Variants in ARIH2 observed in about 807,000 individuals in gnomAD.
ARIH2 encodes E3 ubiquitin-protein ligase ARIH2.
A neutral mutation model predicts 79.8 loss-of-function variants in ARIH2; 12 were observed. The observed-to-expected ratio is 0.15, with a 90% CI of 0.10 to 0.24. The LOEUF (loss-of-function observed/expected upper bound fraction) is 0.24, where lower values mean the gene tolerates loss of function less well. Ranked by LOEUF, ARIH2 falls within the 10% of genes least tolerant of loss-of-function variation. The probability of loss-of-function intolerance (pLI) is 1.00; values close to 1 mark genes in which losing one functional copy is unlikely to be tolerated. For missense variants in ARIH2, 301 were observed against 618.3 expected, an observed-to-expected ratio of 0.49 and a Z score of 5.44; for synonymous variants, 224 against 213.9, an observed-to-expected ratio of 1.05 and a Z score of -0.41.
chr3:48,970,468 A>G (rs1328859231), intron 7 of ARIH2, 127 bp from the exon 8 acceptor site: 2 of 656,736 alleles, frequency 3.0e-6, no homozygotes, highest in South Asian at 1.8e-5. Context: ...TCCTTTCTGA[A>G]TTTATATAGC....
chr3:48,961,941 G>A (rs1395506090), intron 4 of ARIH2, among the ~76,000 whole-genome samples: 1 of 152,024 alleles, frequency 6.6e-6, no homozygotes, highest in African/African-American at 2.4e-5. Context: ...CTCTGTTGTT[G>A]GACAGTGAAT....
chr3:48,934,929 A>G lies in ARIH2; in HGVS notation c.255+7116A>G, dbSNP rs540710801. Reference sequence around the variant, plus strand: ...GTCTACCTCAGGAAACATGGAAGTCATGTGTAATCAAGGGGTGATACGGTA... The same window carrying G: ...GTCTACCTCAGGAAACATGGAAGTCGTGTGTAATCAAGGGGTGATACGGTA... On this transcript the variant is annotated intron_variant, in intron 3 of 15. Coordinates refer to ENST00000356401, the MANE Select transcript of ARIH2 (RefSeq NM_006321.4). 3.3e-5 allele frequency: 33 copies of G among 985,174 alleles called. No homozygotes were observed. In the African/African-American group the frequency reaches 5.2e-4, roughly 16 times the overall value. The allele number at this position is 985,174 out of a possible 1,614,324, so 61.0% of individuals were successfully genotyped here.
chr3:48,934,720 A>G (rs1330127598), intron 3 of ARIH2: 12 of 985,348 alleles, frequency 1.2e-5, no homozygotes, highest in Non-Finnish European at 1.4e-5. Flanking sequence ...AAATGTCCAG[A>G]GTGACATTGA....
At chr3:48,943,980 A>G (rs1019050943) in intron 3 of ARIH2, among the ~76,000 whole-genome samples, 1 of 152,186 alleles carries the variant, frequency 6.6e-6, no homozygotes, top group Non-Finnish European at 1.5e-5. Context: ...TGTGCAGTTC[A>G]TTTGATGTCA....
intron 3 of ARIH2, among the ~76,000 whole-genome samples, chr3:48,958,521 C>G (rs910498689): frequency 2.6e-5 from 4 of 151,666 alleles, no homozygotes; most frequent in African/African-American, 4.9e-5. Flanking sequence ...ACCAGCCGGG[C>G]CAAGATGGTG....
intron 7 of ARIH2, among the ~76,000 whole-genome samples, chr3:48,969,828 A>G (rs1250434546): frequency 6.6e-6 from 1 of 151,420 alleles, no homozygotes; most frequent in Admixed American, 6.6e-5. Context: ...CGCAGGATAA[A>G]CAGAAGGCCT....
intron 3 of ARIH2, among the ~76,000 whole-genome samples, chr3:48,941,979 G>C (rs932311169): frequency 1.3e-5 from 2 of 151,104 alleles, no homozygotes; most frequent in Non-Finnish European, 2.9e-5. Context: ...TCCGCCCCCC[G>C]AGTTCAGGTG....
At chr3:48,956,439 C>CTT (rs34693818) in intron 3 of ARIH2, among the ~76,000 whole-genome samples, 1,348 of 36,244 alleles carry the variant, frequency 0.037, 365 homozygotes, top group Middle Eastern at 0.17. Flanking sequence ...GCGCCCGGCA[C>CTT]TTTTTTTTTT....
intron 11 of ARIH2, among the ~76,000 whole-genome samples, chr3:48,975,913 C>T (rs1038884125): frequency 6.7e-6 from 1 of 148,464 alleles, no homozygotes; most frequent in Non-Finnish European, 1.5e-5. Flanking sequence ...CAGGAACCCT[C>T]TTTTCTTTAT....
intron 11 of ARIH2, among the ~76,000 whole-genome samples, chr3:48,977,521 G>A (rs1440504372): frequency 2.0e-5 from 3 of 151,930 alleles, no homozygotes; most frequent in East Asian, 3.9e-4. Flanking sequence ...GCAGTGGTGC[G>A]ATCTCGGCTC....
chr3:48,980,074 C>G (rs1054146483), intron 12 of ARIH2: 7 of 303,776 alleles, frequency 2.3e-5, no homozygotes, highest in African/African-American at 1.5e-4. Flanking sequence ...GCATAATGGT[C>G]TCTAAGCATA....
chr3:48,959,173 C>G (rs6786665), intron 3 of ARIH2, among the ~76,000 whole-genome samples: 2 of 150,886 alleles, frequency 1.3e-5, no homozygotes, highest in Non-Finnish European at 3.0e-5. Flanking sequence ...AAAATTAGCC[C>G]GGTGTGGTGG....
At chr3:48,974,527 CT>C in intron 9 of ARIH2, 1 of 486,478 alleles carries the variant, frequency 2.1e-6, no homozygotes, top group East Asian at 3.7e-5. Context: ...GGCAGGCTTT[CT>C]GCTGATTCAA....
At chr3:48,939,965 T>A (rs7647093) in intron 3 of ARIH2, among the ~76,000 whole-genome samples, 12 of 151,566 alleles carry the variant, frequency 7.9e-5, no homozygotes, top group Non-Finnish European at 1.5e-4. Flanking sequence ...GGCTCATGCC[T>A]GTAATCCCAG....
intron 2 of ARIH2, among the ~76,000 whole-genome samples, chr3:48,923,218 A>G (rs940597829): frequency 4.0e-5 from 6 of 151,874 alleles, no homozygotes; most frequent in Non-Finnish European, 8.8e-5. Flanking sequence ...AAAAAAAAAA[A>G]GAAACCTTAT....
intron 11 of ARIH2, among the ~76,000 whole-genome samples, chr3:48,978,339 GC>G (rs1446321416): frequency 6.9e-6 from 1 of 144,100 alleles, no homozygotes; most frequent in Non-Finnish European, 1.5e-5. Context: ...CACAACCTCC[GC>G]CCTACAGGTT....
At chr3:48,978,670 G>A (rs368756660) in intron 11 of ARIH2, among the ~76,000 whole-genome samples, 2 of 151,608 alleles carry the variant, frequency 1.3e-5, no homozygotes, top group South Asian at 2.1e-4. Flanking sequence ...TTATAGAAAT[G>A]TGTTATTTGC....
chr3:48,951,505 G>T (rs1197595426), intron 3 of ARIH2, among the ~76,000 whole-genome samples: 1 of 152,092 alleles, frequency 6.6e-6, no homozygotes, highest in African/African-American at 2.4e-5. Flanking sequence ...GTTTGTAAAA[G>T]TGTTTATGTA....
intron 3 of ARIH2, among the ~76,000 whole-genome samples, chr3:48,955,500 C>G (rs1163988030): frequency 6.6e-6 from 1 of 152,100 alleles, no homozygotes; most frequent in Non-Finnish European, 1.5e-5. Flanking sequence ...CTTCTTGATT[C>G]TACTGAAAGG....
Sources: allele counts gnomAD v4.1 joint callset (sites outside exome capture counted in the v4.1 genomes callset), GRCh38; gene constraint gnomAD v4.1.1; transcripts MANE v1.5; gene names NCBI Gene and HGNC (gene_info 2026-07-23, HGNC 2026-07-21).